CDH13: variants seen among roughly 807,000 people sequenced by gnomAD.
CDH13 encodes cadherin 13, also known as cadherin-13.
A neutral mutation model predicts 63.8 loss-of-function variants in CDH13; 24 were observed. That is an observed-to-expected ratio of 0.38 (90% CI 0.27 to 0.53). The LOEUF is 0.53. Among genes scored for constraint, CDH13 ranks in the 20% least tolerant of loss-of-function variants. The pLI, the probability that CDH13 is intolerant of heterozygous loss-of-function variation, is 0.85. For synonymous variants in CDH13, 503 were observed against 355.3 expected, an observed-to-expected ratio of 1.42 and a Z score of -4.67; for missense variants, 1,049 against 903.1, an observed-to-expected ratio of 1.16 and a Z score of -2.07.
intron 6 of CDH13, among the ~76,000 whole-genome samples, chr16:83,408,425 G>A (rs530615972): frequency 2.6e-5 from 4 of 152,244 alleles, no homozygotes; most frequent in Admixed American, 1.3e-4. Context: ...TGCCTATCCT[G>A]TATGACATTG....
chr16:82,848,582 TGG>T (rs35909991), intron 1 of CDH13, among the ~76,000 whole-genome samples: 1 of 148,942 alleles, frequency 6.7e-6, no homozygotes, highest in African/African-American at 2.5e-5. Flanking sequence ...TTTTTTTTTT[TGG>T]GTGGGGGGAG....
chr16:83,229,898 A>G (rs2039954593), intron 5 of CDH13, among the ~76,000 whole-genome samples: 1 of 152,138 alleles, frequency 6.6e-6, no homozygotes, highest in African/African-American at 2.4e-5. Context: ...GTAATAGCAA[A>G]CTGGAGAGTC....
chr16:83,240,717 C>T (rs1412523634), intron 5 of CDH13, among the ~76,000 whole-genome samples: 1,130 of 81,592 alleles, frequency 0.014, 67 homozygotes, highest in South Asian at 0.036. Flanking sequence ...CTGTCTTAAT[C>T]TTTTTTTTTT....
intron 1 of CDH13, among the ~76,000 whole-genome samples, chr16:82,788,704 A>C (rs2036143183): frequency 6.6e-6 from 1 of 152,190 alleles, no homozygotes; most frequent in East Asian, 1.9e-4. Context: ...TCTCACAGTT[A>C]ATGTCTTCCT....
chr16:83,481,663 A>C (rs1284857861), intron 6 of CDH13, among the ~76,000 whole-genome samples: 4 of 152,122 alleles, frequency 2.6e-5, no homozygotes, highest in Non-Finnish European at 5.9e-5. Flanking sequence ...TGAGACTTTC[A>C]ACCAGGAACC....
chr16:82,669,280 C>T (rs1461020570), intron 1 of CDH13, among the ~76,000 whole-genome samples: 1 of 152,174 alleles, frequency 6.6e-6, no homozygotes, highest in Non-Finnish European at 1.5e-5. Context: ...AGGACAAGCC[C>T]TTTAGATGCC....
chr16:83,606,779 A>G (rs529053224), intron 8 of CDH13, among the ~76,000 whole-genome samples: 14 of 149,754 alleles, frequency 9.3e-5, no homozygotes, highest in East Asian at 7.9e-4. Context: ...TTTGGTAATG[A>G]CATGATATCA....
chr16:83,588,912 GT>G (rs902663966), intron 7 of CDH13, among the ~76,000 whole-genome samples: 2 of 152,210 alleles, frequency 1.3e-5, no homozygotes, highest in African/African-American at 4.8e-5. Context: ...GCGTCTCAGT[GT>G]TCCAGGAAAC....
In CDH13 at chr16:82,988,890, C is replaced by T. The variant is rs552250051; in HGVS notation, c.158-43120C>T. On this transcript the variant is annotated intron_variant, in intron 2 of 13. Transcript: ENST00000567109. ...GGGTGAAAGGCAAAGACAGAGAGGA[C>T]ATCAGGTCAGAACATTCCAAGTGAG... 4.1e-4 allele frequency among the ~76,000 whole-genome samples: 62 copies of T among 152,138 alleles called. No homozygotes were observed. In the South Asian group the frequency reaches 0.012, roughly 31 times the overall value.
At chr16:83,302,888 C>A (rs1597703477) in intron 5 of CDH13, among the ~76,000 whole-genome samples, 1 of 152,286 alleles carries the variant, frequency 6.6e-6, no homozygotes, top group East Asian at 1.9e-4. Flanking sequence ...AAATAAATTT[C>A]ATCAAACTGG....
intron 2 of CDH13, among the ~76,000 whole-genome samples, chr16:82,924,215 C>G (rs930428650): frequency 6.6e-6 from 1 of 152,132 alleles, no homozygotes; most frequent in Non-Finnish European, 1.5e-5. Context: ...GTTAGCAAAA[C>G]AGAAGATAAT....
In CDH13 at chr16:83,421,495, A is replaced by G. The variant is rs537504415; in HGVS notation, c.782-64982A>G. On this transcript the variant is annotated intron_variant, in intron 6 of 13. Coordinates refer to ENST00000567109, the MANE Select transcript of CDH13 (RefSeq NM_001257.5). ...CTGTGTTTATTGCCTGATGGTTGCA[A>G]GACGGCTGATGCAACTCTAGACACA... Among the ~76,000 whole-genome samples, 84 of 152,336 alleles carry G rather than the reference A, an allele frequency of 5.5e-4. No homozygotes were observed. The East Asian group carries it at 6.4e-3, about 12-fold the overall frequency.
At chr16:82,914,333 G>A (rs969193395) in intron 2 of CDH13, among the ~76,000 whole-genome samples, 1 of 152,122 alleles carries the variant, frequency 6.6e-6, no homozygotes, top group East Asian at 1.9e-4. Context: ...TCTTCATAAA[G>A]ATGCCTTCAA....
intron 1 of CDH13, among the ~76,000 whole-genome samples, chr16:82,848,595 G>GTTTTTTTTTTTT: frequency 6.6e-6 from 1 of 150,500 alleles, no homozygotes. Flanking sequence ...GTGGGGGGAG[G>GTTTTTTTTTTTT]CACCACAAAC....
At chr16:83,320,156 C>A (rs928115782) in intron 5 of CDH13, among the ~76,000 whole-genome samples, 1 of 152,012 alleles carries the variant, frequency 6.6e-6, no homozygotes, top group Non-Finnish European at 1.5e-5. Flanking sequence ...CCTTGCATCT[C>A]AACCTCACGA....
At chr16:83,562,978 T>C (rs1319861527) in intron 7 of CDH13, among the ~76,000 whole-genome samples, 1 of 152,236 alleles carries the variant, frequency 6.6e-6, no homozygotes, top group African/African-American at 2.4e-5. Context: ...AAGTCCCCTT[T>C]GGATAAGTCC....
chr16:83,666,836 T>TAC (rs762579073), intron 8 of CDH13, among the ~76,000 whole-genome samples: 45 of 122,032 alleles, frequency 3.7e-4, no homozygotes, highest in African/African-American at 5.1e-4. Context: ...CACACACACA[T>TAC]ACACACACAC....
At chr16:83,607,851 A>G (rs982996486) in intron 8 of CDH13, among the ~76,000 whole-genome samples, 2 of 152,186 alleles carry the variant, frequency 1.3e-5, no homozygotes, top group African/African-American at 4.8e-5. Flanking sequence ...AGACTTTGAA[A>G]TATACATGAA....
chr16:82,741,026 AT>A (rs2033902725), intron 1 of CDH13, among the ~76,000 whole-genome samples: 1 of 152,186 alleles, frequency 6.6e-6, no homozygotes, highest in African/African-American at 2.4e-5. Flanking sequence ...AAAGTATTTT[AT>A]AGTTAACCTT....
Sources: gnomAD v4.1 joint callset for allele counts (sites outside exome capture counted in the v4.1 genomes callset) on GRCh38, gnomAD v4.1.1 for gene constraint, MANE v1.5 for transcripts, NCBI Gene and HGNC (gene_info 2026-07-23, HGNC 2026-07-21) for gene names.